LRP1B: variants seen among roughly 807,000 people sequenced by gnomAD.
The protein encoded by LRP1B is LDL receptor related protein 1B.
LRP1B carries 217 observed loss-of-function variants against 556.6 expected under a neutral mutation model. The observed-to-expected ratio is 0.39, with a 90% CI of 0.35 to 0.44. The LOEUF is 0.44. Among genes scored for constraint, LRP1B ranks in the 20% least tolerant of loss-of-function variants. The pLI, the probability that LRP1B is intolerant of heterozygous loss-of-function variation, is 1.00. For missense variants in LRP1B, 5,053 were observed against 5,620.8 expected (o/e 0.90, Z 3.23); for synonymous variants, 2,047 against 1,865.8 (o/e 1.10, Z -2.50).
At chr2:140,238,434 A>G (rs1209281494) in intron 88 of LRP1B, 138 bp from the exon 89 acceptor site, 4 of 492,914 alleles carry the variant, frequency 8.1e-6, no homozygotes, top group Non-Finnish European at 1.4e-5. Context: ...CAGAGGAACA[A>G]AAAGTAGTAC....
intron 16 of LRP1B, 34 bp from the exon 17 acceptor site, chr2:140,989,691 A>T: frequency 6.2e-7 from 1 of 1,605,294 alleles, no homozygotes; most frequent in South Asian, 1.1e-5. Flanking sequence ...TTAATTATTT[A>T]AAATTGGATA....
chr2:141,036,866 A>G (rs1698548589), intron 11 of LRP1B, among the ~76,000 whole-genome samples: 2 of 151,980 alleles, frequency 1.3e-5, no homozygotes, highest in Non-Finnish European at 2.9e-5. Flanking sequence ...ATTAAAAAAA[A>G]AGACAATTGC....
rs570521731 is a variant in LRP1B at position 141,678,885 on chromosome 2, A to C, written c.205+131394T>G. Among the ~76,000 whole-genome samples, 3 of 152,276 alleles carry C rather than the reference A, an allele frequency of 2.0e-5. No individual in the cohort carries two copies. The East Asian group carries it at 5.8e-4, about 29-fold the overall frequency. On this transcript the variant is annotated intron_variant, in intron 2 of 90. Transcript: ENST00000389484. Reference sequence around the variant, plus strand: ...ACTCCCTGGTATTCATGCTCCTATGAAACTCCAGCCCCTTGTATGTGGATG... The same window carrying C: ...ACTCCCTGGTATTCATGCTCCTATGCAACTCCAGCCCCTTGTATGTGGATG...
chr2:141,315,854 G>A (rs1174629908), intron 3 of LRP1B, among the ~76,000 whole-genome samples: 1 of 120,198 alleles, frequency 8.3e-6, no homozygotes, highest in Non-Finnish European at 1.6e-5. Flanking sequence ...TCTGTAAAAT[G>A]CAGAAAATCC....
chr2:141,636,282 C>T (rs1370123008), intron 2 of LRP1B, among the ~76,000 whole-genome samples: 1 of 151,964 alleles, frequency 6.6e-6, no homozygotes, highest in Non-Finnish European at 1.5e-5. Flanking sequence ...TTTTATTAAA[C>T]TGATAAACAA....
At chr2:141,043,471 A>T (rs1371409236) in intron 11 of LRP1B, among the ~76,000 whole-genome samples, 1 of 151,788 alleles carries the variant, frequency 6.6e-6, no homozygotes, top group Non-Finnish European at 1.5e-5. Flanking sequence ...TTGGTAAAGA[A>T]AGCCTTTGTA....
At chr2:140,324,229 T>C (rs533414054) in intron 80 of LRP1B, among the ~76,000 whole-genome samples, 163 bp from the exon 81 acceptor site, 3 of 152,184 alleles carry the variant, frequency 2.0e-5, no homozygotes, top group African/African-American at 7.2e-5. Flanking sequence ...AGAATTAATA[T>C]ATCTGAAGTA....
intron 1 of LRP1B, among the ~76,000 whole-genome samples, chr2:141,906,149 C>T (rs941583317): frequency 6.6e-6 from 1 of 151,328 alleles, no homozygotes; most frequent in African/African-American, 2.4e-5. Context: ...TATCACCAAA[C>T]AAAAGAGCAG....
chr2:141,303,803 G>C (rs1331637773), intron 3 of LRP1B, among the ~76,000 whole-genome samples: 1 of 152,068 alleles, frequency 6.6e-6, no homozygotes, highest in Non-Finnish European at 1.5e-5. Context: ...TGAATTGTAT[G>C]GTAGTTCTAG....
At chr2:140,610,448 G>A (rs1032510638) in intron 41 of LRP1B, among the ~76,000 whole-genome samples, 2 of 152,090 alleles carry the variant, frequency 1.3e-5, no homozygotes, top group Non-Finnish European at 2.9e-5. Flanking sequence ...AAATGCCCAA[G>A]ACCTAATATA....
chr2:141,471,261 C>A (rs1359854527), intron 3 of LRP1B, among the ~76,000 whole-genome samples: 2 of 75,042 alleles, frequency 2.7e-5, no homozygotes, highest in African/African-American at 4.0e-5. Flanking sequence ...TGAGAATATA[C>A]CCTGGTATTT....
chr2:140,862,027 C>T (rs934931115), intron 27 of LRP1B, among the ~76,000 whole-genome samples: 3 of 152,096 alleles, frequency 2.0e-5, no homozygotes, highest in African/African-American at 4.8e-5. Flanking sequence ...TTCTGTAATA[C>T]TCTTAAGAAA....
intron 20 of LRP1B, among the ~76,000 whole-genome samples, chr2:140,932,534 A>C (rs775483488): frequency 2.6e-5 from 4 of 152,104 alleles, no homozygotes; most frequent in Non-Finnish European, 5.9e-5. Context: ...ACTATTCTAA[A>C]TATTGTTTGT....
At chr2:140,837,021 A>G (rs1453447220) in intron 31 of LRP1B, among the ~76,000 whole-genome samples, 2 of 152,186 alleles carry the variant, frequency 1.3e-5, no homozygotes, top group Non-Finnish European at 2.9e-5. Context: ...TACGGAATCT[A>G]TTCTGTTTAT....
At chr2:140,385,726 T>C (rs892163413) in intron 67 of LRP1B, among the ~76,000 whole-genome samples, 167 bp downstream of exon 67, 1 of 152,212 alleles carries the variant, frequency 6.6e-6, no homozygotes, top group Non-Finnish European at 1.5e-5. Flanking sequence ...AATTCTACCA[T>C]TTGAAATTCA....
At chr2:140,537,936 C>T (rs111758470) in intron 45 of LRP1B, among the ~76,000 whole-genome samples, 1,738 of 152,104 alleles carry the variant, frequency 0.011, 21 homozygotes, top group Non-Finnish European at 0.018. Context: ...TTGGGGTATA[C>T]TGTCTGCTTG....
chr2:141,506,003 C>T (rs1448092955), intron 2 of LRP1B, among the ~76,000 whole-genome samples: 3 of 151,998 alleles, frequency 2.0e-5, no homozygotes, highest in South Asian at 2.1e-4. Context: ...AAGACTGCCT[C>T]GTAACCCAGC....
intron 7 of LRP1B, among the ~76,000 whole-genome samples, chr2:141,182,588 C>T (rs1681054594): frequency 6.6e-6 from 1 of 151,760 alleles, no homozygotes; most frequent in African/African-American, 2.4e-5. Context: ...AGAGAAGCTG[C>T]AACATTTCAA....
At chr2:141,635,883 T>C (rs1358431274) in intron 2 of LRP1B, among the ~76,000 whole-genome samples, 1 of 152,138 alleles carries the variant, frequency 6.6e-6, no homozygotes, top group Non-Finnish European at 1.5e-5. Flanking sequence ...TCTCAGGGTA[T>C]ACAGGTCTCT....
Sources: allele counts gnomAD v4.1 joint callset (sites outside exome capture counted in the v4.1 genomes callset), GRCh38; gene constraint gnomAD v4.1.1; transcripts MANE v1.5; gene names NCBI Gene and HGNC (gene_info 2026-07-23, HGNC 2026-07-21).